The following LDLRAD3 variants were observed in gnomAD, a reference collection of about 807,000 sequenced individuals.
The protein encoded by LDLRAD3 is low-density lipoprotein receptor class A domain-containing protein 3.
LDLRAD3 carries 20 observed loss-of-function variants against 29.4 expected under a neutral mutation model. That is an observed-to-expected ratio of 0.68 (90% CI 0.48 to 0.99). LDLRAD3 has a LOEUF of 0.99. Ranked by LOEUF, LDLRAD3 falls within the 50% of genes least tolerant of loss-of-function variation. LDLRAD3 has a pLI of 0.00. For missense variants in LDLRAD3, 420 were observed against 454.3 expected (o/e 0.92, Z 0.69); for synonymous variants, 157 against 192.7 (o/e 0.81, Z 1.53).
At chr11:36,069,721 T>TC (rs771174735) in intron 2 of LDLRAD3, among the ~76,000 whole-genome samples, 4 of 152,250 alleles carry the variant, frequency 2.6e-5, no homozygotes, top group South Asian at 4.2e-4. Context: ...TTTCAGTTGC[T>TC]CCTTTACCAC....
In LDLRAD3 at chr11:36,229,299, G is replaced by T. The variant is rs367902001; in HGVS notation, c.940G>T (p.Val314Leu). 1.2e-6 allele frequency: 2 copies of T among 1,614,046 alleles called. No individual in the cohort carries two copies. The highest frequency in any genetic ancestry group is 1.7e-6 in the Non-Finnish European group (2 of 1,180,036). The change falls in exon 6 of 6, where the codon GTG becomes TTG. Residue 314 changes from valine (V) to leucine (L), a missense_variant. Physicochemically the swap from Val to Leu is conservative, Grantham distance 32. Coordinates refer to ENST00000315571, the MANE Select transcript of LDLRAD3 (RefSeq NM_174902.4). ...SSQAASSLLS[V>L]EDTSHSPGQP... is the part of the protein sequence containing the mutation. ...CCAGGCAGCCAGCAGCCTCCTGAGC[G>T]TGGAAGACACCAGCCACAGCCCGGG...
intron 2 of LDLRAD3, among the ~76,000 whole-genome samples, chr11:36,061,955 G>C (rs1852706998): frequency 6.6e-6 from 1 of 151,220 alleles, no homozygotes; most frequent in Admixed American, 6.6e-5. Context: ...CCCATTTTCT[G>C]ATACCAAGCC....
chr11:36,000,845 G>A (rs1324982935), intron 1 of LDLRAD3, among the ~76,000 whole-genome samples: 1 of 152,166 alleles, frequency 6.6e-6, no homozygotes, highest in East Asian at 1.9e-4. Context: ...GGAGGCTGCT[G>A]TAGTGGTTCC....
chr11:36,107,207 T>C (rs1015762567), intron 4 of LDLRAD3, among the ~76,000 whole-genome samples: 5 of 151,602 alleles, frequency 3.3e-5, no homozygotes, highest in African/African-American at 1.2e-4. Flanking sequence ...TCTTTTTCTT[T>C]TTTTTTTTTT....
Position 36,057,205 on chromosome 11 carries a change from C to T in LDLRAD3, c.193+20956C>T, listed in dbSNP as rs147924440. On this transcript the variant is annotated intron_variant, in intron 2 of 5. Coordinates refer to ENST00000315571, the MANE Select transcript of LDLRAD3 (RefSeq NM_174902.4). ...CCAGGAACCACACTATGAGAAACGC[C>T]GCCTCACTCAGTGGTTCCTGTGATC... 6.5e-3 allele frequency among the ~76,000 whole-genome samples: 997 copies of T among 152,230 alleles called. 13 individuals are homozygous for T. Among genetic ancestry groups the T allele is most frequent in the African/African-American group, 0.023 (955 of 41,528 alleles).
intron 1 of LDLRAD3, among the ~76,000 whole-genome samples, chr11:36,010,563 C>T (rs950862137): frequency 9.9e-5 from 15 of 152,152 alleles, no homozygotes; most frequent in South Asian, 4.1e-4. Context: ...TGCTCAAAAA[C>T]GGATGATGTT....
At chr11:36,123,852 T>C (rs1164975391) in intron 4 of LDLRAD3, among the ~76,000 whole-genome samples, 2 of 152,236 alleles carry the variant, frequency 1.3e-5, no homozygotes, top group Admixed American at 6.5e-5. Flanking sequence ...GAATATTGGC[T>C]GAAGCCAGGC....
intron 1 of LDLRAD3, among the ~76,000 whole-genome samples, chr11:35,996,430 G>C (rs1851755328): frequency 6.6e-6 from 1 of 152,110 alleles, no homozygotes; most frequent in South Asian, 2.1e-4. Context: ...AAAGATCACT[G>C]ATCACAGGTC....
At chr11:36,015,856 C>T (rs982778799) in intron 1 of LDLRAD3, among the ~76,000 whole-genome samples, 3 of 152,206 alleles carry the variant, frequency 2.0e-5, no homozygotes, top group Admixed American at 2.0e-4. Context: ...GCGACCCGAC[C>T]TCCCACAAGC....
chr11:36,225,418 G>A (rs1855485284), intron 4 of LDLRAD3, among the ~76,000 whole-genome samples: 1 of 152,108 alleles, frequency 6.6e-6, no homozygotes, highest in African/African-American at 2.4e-5. Context: ...CCTGCTGACT[G>A]GGAAGCTCCT....
At chr11:35,972,060 C>T (rs1393678939) in intron 1 of LDLRAD3, among the ~76,000 whole-genome samples, 1 of 152,020 alleles carries the variant, frequency 6.6e-6, no homozygotes, top group Non-Finnish European at 1.5e-5. Flanking sequence ...GGAGCTCAGA[C>T]AAGAGATCTG....
intron 4 of LDLRAD3, among the ~76,000 whole-genome samples, chr11:36,177,808 G>A (rs1005064576): frequency 4.6e-5 from 7 of 152,160 alleles, no homozygotes; most frequent in African/African-American, 1.2e-4. Context: ...TTGTGCTCCC[G>A]ATTGGTTGGA....
chr11:36,144,346 G>A (rs1040810604), intron 4 of LDLRAD3, among the ~76,000 whole-genome samples: 4 of 147,238 alleles, frequency 2.7e-5, no homozygotes, highest in African/African-American at 9.8e-5. Context: ...CTGCCCGGCC[G>A]CCACCCCGTC....
At chr11:36,076,357 A>G (rs537080698) in intron 2 of LDLRAD3, among the ~76,000 whole-genome samples, 2 of 150,496 alleles carry the variant, frequency 1.3e-5, no homozygotes, top group South Asian at 4.2e-4. Flanking sequence ...GTTTCAATGA[A>G]CCAAAGCCTC....
At chr11:36,137,712 C>T (rs1854022848) in intron 4 of LDLRAD3, among the ~76,000 whole-genome samples, 1 of 152,178 alleles carries the variant, frequency 6.6e-6, no homozygotes. Flanking sequence ...ACCATTATGA[C>T]CTAATTAGCA....
chr11:36,013,095 A>G (rs1477595156), intron 1 of LDLRAD3, among the ~76,000 whole-genome samples: 2 of 152,216 alleles, frequency 1.3e-5, no homozygotes, highest in African/African-American at 4.8e-5. Context: ...AACCTGAGAA[A>G]TATTTTGTTT....
chr11:36,014,608 C>T (rs1851997282), intron 1 of LDLRAD3, among the ~76,000 whole-genome samples: 1 of 152,166 alleles, frequency 6.6e-6, no homozygotes, highest in Non-Finnish European at 1.5e-5. Context: ...GTGAAATCAG[C>T]CTTCCTCTCC....
chr11:35,972,146 C>G (rs57522551), intron 1 of LDLRAD3, among the ~76,000 whole-genome samples: 2 of 151,626 alleles, frequency 1.3e-5, no homozygotes, highest in Admixed American at 1.3e-4. Flanking sequence ...GAGGAGGAGA[C>G]GAAAACTTGT....
intron 1 of LDLRAD3, among the ~76,000 whole-genome samples, chr11:35,989,503 G>A (rs1451500720): frequency 6.6e-6 from 1 of 152,208 alleles, no homozygotes; most frequent in African/African-American, 2.4e-5. Context: ...TCTAATCCAT[G>A]AGCATGGAAG....
Sources: allele counts gnomAD v4.1 joint callset (sites outside exome capture counted in the v4.1 genomes callset), GRCh38; gene constraint gnomAD v4.1.1; transcripts MANE v1.5; gene names NCBI Gene and HGNC (gene_info 2026-07-23, HGNC 2026-07-21).